The following TEX26 variants were observed in gnomAD, a reference collection of about 807,000 sequenced individuals.
TEX26 encodes the protein testis expressed 26, also known as testis-expressed protein 26.
In TEX26, 34 loss-of-function variants were observed where a neutral mutation model predicts 35.3. The ratio of observed to expected loss-of-function variants is 0.96; its 90% CI spans 0.73 to 1.28. The LOEUF (loss-of-function observed/expected upper bound fraction) is 1.28, where lower values mean the gene tolerates loss of function less well. TEX26 is among the 50% of genes most tolerant of loss of function. The pLI, the probability that TEX26 is intolerant of heterozygous loss-of-function variation, is 0.00. For missense variants in TEX26, 371 were observed against 330.1 expected, an observed-to-expected ratio of 1.12 and a Z score of -0.96; for synonymous variants, 136 against 111.8, an observed-to-expected ratio of 1.22 and a Z score of -1.36.
intron 2 of TEX26, among the ~76,000 whole-genome samples, chr13:30,941,862 C>T (rs903627319): frequency 4.6e-5 from 7 of 152,144 alleles, no homozygotes; most frequent in African/African-American, 1.7e-4. Flanking sequence ...GTGTAATATT[C>T]CATGGTGTAT....
chr13:30,968,856 G>A (rs369460144), intron 5 of TEX26, 29 bp from the exon 6 acceptor site: 15 of 1,600,478 alleles, frequency 9.4e-6, no homozygotes, highest in African/African-American at 4.0e-5. Flanking sequence ...CCAGCCTTCC[G>A]ACCTCTCCTC....
intron 2 of TEX26, among the ~76,000 whole-genome samples, chr13:30,948,859 T>A (rs1953814835): frequency 2.0e-5 from 3 of 152,170 alleles, no homozygotes. Flanking sequence ...TCTTCTAGAG[T>A]TTTTATGGTT....
chr13:30,952,000 GATTTTTTTTTTTTTT>G (rs2138245228), intron 2 of TEX26, among the ~76,000 whole-genome samples: 1 of 62,216 alleles, frequency 1.6e-5, no homozygotes, highest in African/African-American at 7.0e-5. Flanking sequence ...ATTATTCTGG[GATTTTTTTTTTTTTT>G]TTTTTTTTTT....
chr13:30,961,171 T>C (rs1365039879), intron 4 of TEX26, among the ~76,000 whole-genome samples: 1 of 152,208 alleles, frequency 6.6e-6, no homozygotes, highest in Admixed American at 6.5e-5. Flanking sequence ...ACCCCTCTTT[T>C]TTTCAATCAA....
chr13:30,943,976 A>G (rs1447651578), intron 2 of TEX26, among the ~76,000 whole-genome samples: 2 of 152,060 alleles, frequency 1.3e-5, no homozygotes, highest in Admixed American at 6.6e-5. Context: ...TCATAAAATG[A>G]GTCGGAGAGG....
At chr13:30,947,679 C>T (rs1953762509) in intron 2 of TEX26, among the ~76,000 whole-genome samples, 2 of 152,066 alleles carry the variant, frequency 1.3e-5, no homozygotes, top group South Asian at 4.1e-4. Context: ...GTTTAATTTT[C>T]TATGTTCAAA....
chr13:30,966,652 T>C (rs770106693), intron 5 of TEX26, among the ~76,000 whole-genome samples: 12 of 152,128 alleles, frequency 7.9e-5, no homozygotes, highest in Admixed American at 6.5e-5. Context: ...TTGGCCAGGC[T>C]GGTCTCAAAC....
chr13:30,942,562 G>A (rs1953553726), intron 2 of TEX26, among the ~76,000 whole-genome samples: 1 of 151,878 alleles, frequency 6.6e-6, no homozygotes, highest in African/African-American at 2.4e-5. Flanking sequence ...ATTTGCTTTT[G>A]GGGTCTTAAT....
At chr13:30,965,689 A>G (rs1954502007) in intron 4 of TEX26, among the ~76,000 whole-genome samples, 1 of 152,186 alleles carries the variant, frequency 6.6e-6, no homozygotes, top group Admixed American at 6.5e-5. Context: ...CCACTAATGC[A>G]GTGATGCCTA....
chr13:30,969,952 T>G (rs1406229664), intron 6 of TEX26, among the ~76,000 whole-genome samples: 1 of 152,112 alleles, frequency 6.6e-6, no homozygotes, highest in African/African-American at 2.4e-5. Context: ...GTGTGCCCTG[T>G]GATGAGGTTG....
intron 6 of TEX26, 80 bp from the exon 7 acceptor site, chr13:30,974,766 C>A (rs1048084269): frequency 1.5e-6 from 2 of 1,316,588 alleles, no homozygotes; most frequent in Non-Finnish European, 2.1e-6. Flanking sequence ...CAGATATTTT[C>A]TTCCTTCATA....
At chr13:30,956,791 AT>A in intron 3 of TEX26, 81 bp from the exon 4 acceptor site, 1 of 1,270,892 alleles carries the variant, frequency 7.9e-7, no homozygotes, top group Non-Finnish European at 1.1e-6. Context: ...TCTGAAGAAT[AT>A]GTGCACACAG....
intron 3 of TEX26, among the ~76,000 whole-genome samples, chr13:30,954,684 C>A (rs1485311411): frequency 6.6e-6 from 1 of 152,114 alleles, no homozygotes; most frequent in Admixed American, 6.5e-5. Context: ...TCTCAAACTC[C>A]TGGGTTCAAG....
intron 3 of TEX26, 71 bp downstream of exon 3, chr13:30,952,896 T>G: frequency 7.5e-7 from 1 of 1,332,382 alleles, no homozygotes. Flanking sequence ...AATGAGAGTT[T>G]AAATATGTCA....
intron 2 of TEX26, among the ~76,000 whole-genome samples, chr13:30,940,696 C>T (rs1480922204): frequency 6.6e-6 from 1 of 152,102 alleles, no homozygotes; most frequent in Non-Finnish European, 1.5e-5. Context: ...CTTCAATTAT[C>T]ATCTTCATTC....
intron 6 of TEX26, among the ~76,000 whole-genome samples, chr13:30,970,382 T>G (rs1954675064): frequency 6.6e-6 from 1 of 151,894 alleles, no homozygotes; most frequent in Non-Finnish European, 1.5e-5. Flanking sequence ...ATGGAGTGAG[T>G]ATGATGCCTC....
chr13:30,962,141 A>G (rs1954367989), intron 4 of TEX26, among the ~76,000 whole-genome samples: 1 of 152,078 alleles, frequency 6.6e-6, no homozygotes, highest in Non-Finnish European at 1.5e-5. Flanking sequence ...GAGCTTTTCC[A>G]GTTTTGTGTC....
In TEX26 at chr13:30,968,909, T is replaced by C; in HGVS notation, c.671T>C (p.Leu224Pro). 1 of 1,613,968 alleles carries C rather than the reference T, an allele frequency of 6.2e-7. No homozygotes were observed. Among genetic ancestry groups the C allele is most frequent in the Non-Finnish European group, 8.5e-7 (1 of 1,179,930 alleles). Residue 224 changes from leucine (L) to proline (P), a missense_variant, in exon 6 of 7, where the codon CTG becomes CCG. Coordinates refer to ENST00000380473, the MANE Select transcript of TEX26 (RefSeq NM_152325.3). ...GTGCCTTCTGTGCTGCACAGCTACC[T>C]GAGGAACCAAGAGCACACAAAGAAA... Reference protein sequence around the residue: ...GLVPSVLHSYLRNQEHTKKQT... With the variant: ...GLVPSVLHSYPRNQEHTKKQT...
At chr13:30,934,347 G>C (rs11839084) in intron 1 of TEX26, among the ~76,000 whole-genome samples, 4,623 of 152,248 alleles carry the variant, frequency 0.03, 147 homozygotes, top group African/African-American at 0.079. Flanking sequence ...CACTGCCCAG[G>C]TTTGGTCCGA....
Sources: gnomAD v4.1 joint callset for allele counts (sites outside exome capture counted in the v4.1 genomes callset) on GRCh38, gnomAD v4.1.1 for gene constraint, MANE v1.5 for transcripts, NCBI Gene and HGNC (gene_info 2026-07-23, HGNC 2026-07-21) for gene names.